The following FRAS1 variants were observed in gnomAD, a reference collection of about 807,000 sequenced individuals.
FRAS1 encodes extracellular matrix organizing protein FRAS1.
In FRAS1, 290 loss-of-function variants were observed where a neutral mutation model predicts 435.2. The ratio of observed to expected loss-of-function variants is 0.67; its 90% CI spans 0.61 to 0.73. FRAS1 has a LOEUF of 0.73. Ranked by LOEUF, FRAS1 falls within the 30% of genes least tolerant of loss-of-function variation. The probability of loss-of-function intolerance (pLI) is 0.00; values close to 1 mark genes in which losing one functional copy is unlikely to be tolerated. For synonymous variants in FRAS1, 1,800 were observed against 1,851.0 expected (o/e 0.97, Z 0.71); for missense variants, 4,860 against 5,001.5 (o/e 0.97, Z 0.85).
At chr4:78,518,921 C>T (rs17430243) in intron 66 of FRAS1, among the ~76,000 whole-genome samples, 21,218 of 152,170 alleles carry the variant, frequency 0.14, 1,776 homozygotes, top group Non-Finnish European at 0.2. Context: ...TGGGCTCTCC[C>T]ACAGGTCACT....
chr4:78,059,473 C>G (rs1739643334), intron 1 of FRAS1, among the ~76,000 whole-genome samples: 1 of 149,050 alleles, frequency 6.7e-6, no homozygotes, highest in South Asian at 2.1e-4. Flanking sequence ...AGAAATATAA[C>G]TTTATTGTTT....
At chr4:78,339,049 A>C (rs909374325) in intron 20 of FRAS1, among the ~76,000 whole-genome samples, 2 of 152,198 alleles carry the variant, frequency 1.3e-5, no homozygotes, top group Non-Finnish European at 2.9e-5. Flanking sequence ...TTCAGAGTCC[A>C]GGATTTGGAC....
At chr4:78,201,754 A>G (rs947690237) in intron 2 of FRAS1, among the ~76,000 whole-genome samples, 2 of 152,210 alleles carry the variant, frequency 1.3e-5, no homozygotes, top group African/African-American at 4.8e-5. Flanking sequence ...GCTGATGAGG[A>G]AAAAAGGTGT....
intron 5 of FRAS1, among the ~76,000 whole-genome samples, chr4:78,254,743 G>C (rs998284996): frequency 7.2e-6 from 1 of 138,336 alleles, no homozygotes; most frequent in Non-Finnish European, 1.6e-5. Flanking sequence ...AGGAGAAAAA[G>C]CTTTTTTGTT....
At chr4:78,491,989 A>G (rs1048858043) in intron 59 of FRAS1, among the ~76,000 whole-genome samples, 1 of 152,234 alleles carries the variant, frequency 6.6e-6, no homozygotes, top group Non-Finnish European at 1.5e-5. Context: ...AAAAATCACA[A>G]GCATTCCTAT....
intron 4 of FRAS1, among the ~76,000 whole-genome samples, chr4:78,246,648 A>T (rs1481504300): frequency 6.6e-6 from 1 of 152,198 alleles, no homozygotes; most frequent in Non-Finnish European, 1.5e-5. Context: ...AATGATTATG[A>T]TAAGTGCATG....
intron 56 of FRAS1, among the ~76,000 whole-genome samples, chr4:78,481,262 T>C (rs1720001886): frequency 1.3e-5 from 2 of 152,180 alleles, no homozygotes; most frequent in Admixed American, 1.3e-4. Context: ...CTAAGATGAG[T>C]AATAAGCACA....
At chr4:78,496,338 C>A (rs1008343143) in intron 59 of FRAS1, among the ~76,000 whole-genome samples, 1 of 152,132 alleles carries the variant, frequency 6.6e-6, no homozygotes, top group Non-Finnish European at 1.5e-5. Context: ...TAACGCAAAG[C>A]CTTTCTGATT....
At chr4:78,244,272 A>G (rs1194154857) in intron 3 of FRAS1, among the ~76,000 whole-genome samples, 1 of 152,162 alleles carries the variant, frequency 6.6e-6, no homozygotes, top group African/African-American at 2.4e-5. Flanking sequence ...ACACGCACAC[A>G]CACACACACA....
intron 52 of FRAS1, 63 bp from the exon 53 acceptor site, chr4:78,473,375 G>T: frequency 7.4e-7 from 1 of 1,344,618 alleles, no homozygotes. Context: ...TTGTTGGTGT[G>T]GTAATCTATG....
At chr4:78,085,925 C>T (rs577385634) in intron 2 of FRAS1, among the ~76,000 whole-genome samples, 1 of 152,258 alleles carries the variant, frequency 6.6e-6, no homozygotes, top group Admixed American at 6.5e-5. Context: ...CCAAGCGGAC[C>T]TAATAGACAC....
At chr4:78,512,568 A>G (rs971625388) in intron 64 of FRAS1, among the ~76,000 whole-genome samples, 1 of 152,242 alleles carries the variant, frequency 6.6e-6, no homozygotes, top group Non-Finnish European at 1.5e-5. Context: ...ACCAATATTT[A>G]TTAAACTCAT....
intron 64 of FRAS1, 148 bp downstream of exon 64, chr4:78,511,654 G>A: frequency 1.4e-6 from 1 of 731,264 alleles, no homozygotes; most frequent in Non-Finnish European, 2.4e-6. Flanking sequence ...ATCTGTGAAG[G>A]TCCCTCAAGC....
intron 22 of FRAS1, among the ~76,000 whole-genome samples, chr4:78,368,929 T>G (rs1314903492): frequency 6.6e-6 from 1 of 152,048 alleles, no homozygotes; most frequent in Non-Finnish European, 1.5e-5. Flanking sequence ...AAAATGACAT[T>G]GAGTTTGAAG....
intron 2 of FRAS1, among the ~76,000 whole-genome samples, chr4:78,195,623 G>A (rs2110069381): frequency 6.6e-6 from 1 of 152,330 alleles, no homozygotes; most frequent in African/African-American, 2.4e-5. Context: ...CCTTGGAAAA[G>A]TGTAGTATTA....
In FRAS1 at chr4:78,469,970, C is replaced by G. The variant is rs1395041847; in HGVS notation, c.7258-8C>G. 6.2e-7 allele frequency: 1 copy of G among 1,603,064 alleles called. No homozygotes were observed. The highest frequency in any genetic ancestry group is 8.5e-7 in the Non-Finnish European group (1 of 1,170,646). ...ATGATGAGTTTTCTTTTCTGCCCTC[C>G]CCTTCAGATTATGACAGCAGCACCT... On this transcript the variant is annotated splice_polypyrimidine_tract_variant and splice_region_variant and intron_variant, in intron 50 of 73. Coordinates refer to ENST00000512123, the MANE Select transcript of FRAS1 (RefSeq NM_025074.7).
chr4:78,417,550 G>C (rs1182508470), intron 32 of FRAS1, among the ~76,000 whole-genome samples: 1 of 152,146 alleles, frequency 6.6e-6, no homozygotes, highest in African/African-American at 2.4e-5. Context: ...TAGGGTGAGA[G>C]ACCAGCTGCT....
intron 20 of FRAS1, among the ~76,000 whole-genome samples, chr4:78,361,565 T>C (rs1731074725): frequency 6.6e-6 from 1 of 152,222 alleles, no homozygotes; most frequent in African/African-American, 2.4e-5. Flanking sequence ...GGTTCTCATG[T>C]GGATGAGTGG....
chr4:78,354,562 T>C (rs967287196), intron 20 of FRAS1, among the ~76,000 whole-genome samples: 4 of 152,186 alleles, frequency 2.6e-5, no homozygotes, highest in Non-Finnish European at 4.4e-5. Context: ...ATTTTAAAAG[T>C]GGCATTAGAA....
Sources: allele counts gnomAD v4.1 joint callset (sites outside exome capture counted in the v4.1 genomes callset), GRCh38; gene constraint gnomAD v4.1.1; transcripts MANE v1.5; gene names NCBI Gene and HGNC (gene_info 2026-07-23, HGNC 2026-07-21).